TRIM37: variants seen among roughly 807,000 people sequenced by gnomAD.
The protein encoded by TRIM37 is tripartite motif containing 37.
In TRIM37, 80 loss-of-function variants were observed where a neutral mutation model predicts 129.8. The ratio of observed to expected loss-of-function variants is 0.62; its 90% CI spans 0.51 to 0.74. The LOEUF is 0.74. Among genes scored for constraint, TRIM37 ranks in the 30% least tolerant of loss-of-function variants. TRIM37 has a pLI of 0.00. For missense variants in TRIM37, 1,054 were observed against 1,176.5 expected (o/e 0.90, Z 1.52); for synonymous variants, 389 against 387.1 (o/e 1.00, Z -0.06).
chr17:59,093,866 G>T (rs988714902), intron 2 of TRIM37, among the ~76,000 whole-genome samples: 1 of 151,920 alleles, frequency 6.6e-6, no homozygotes, highest in Non-Finnish European at 1.5e-5. Flanking sequence ...AATATTTGTG[G>T]TATTTTTATC....
At position 59,041,795 on chromosome 17, in the gene TRIM37, G is replaced by T; in HGVS notation, c.1753+18C>A. Reference sequence around the variant, plus strand: ...GAGAAAACAGAATGGCTTGGAGGCAGTGGAGTGACCTCATTACCTGCGGGT... The same window carrying T: ...GAGAAAACAGAATGGCTTGGAGGCATTGGAGTGACCTCATTACCTGCGGGT... On this transcript the variant is annotated intron_variant, in intron 17 of 23. Transcript: ENST00000262294. The T allele has an allele frequency of 6.3e-7, 1 of 1,594,404 alleles. No homozygotes were observed. Among genetic ancestry groups the T allele is most frequent in the Non-Finnish European group, 8.6e-7 (1 of 1,162,092 alleles).
At chr17:59,075,861 A>T in intron 7 of TRIM37, 147 bp from the exon 8 acceptor site, 4 of 669,490 alleles carry the variant, frequency 6.0e-6, no homozygotes, top group Non-Finnish European at 1.1e-5. Flanking sequence ...ATTCTCATTC[A>T]ACTTTAAGAG....
At chr17:59,096,916 A>C (rs771001037) in intron 2 of TRIM37, among the ~76,000 whole-genome samples, 21 of 152,192 alleles carry the variant, frequency 1.4e-4, no homozygotes, top group South Asian at 2.1e-4. Flanking sequence ...AGACTATTTA[A>C]AAAATTATAC....
rs1182614651 is a variant in TRIM37, at chr17:59,049,339, C to G, written c.1369G>C (p.Asp457His). The change falls in exon 15 of 24, where the codon GAT (aspartate) becomes CAT (histidine). Residue 457 changes from aspartate to histidine, a missense_variant. This residue lies in a region of TRIM37 where 752 missense variants were observed against 870.8 expected (regional missense o/e 0.86). Coordinates refer to ENST00000262294, the MANE Select transcript of TRIM37 (RefSeq NM_015294.6). ...TQKSRDLSPP[D>H]NHLSPQNDDA... is the part of the protein sequence containing the mutation. The stretch of plus-strand genomic sequence containing the variant: ...TCATTTTGGGGGCTAAGATGGTTAT[C>G]TGGTGGTGACAAATCTCTTGACTTC... 1.9e-6 allele frequency: 3 copies of G among 1,614,114 alleles called. No homozygotes were observed. Among genetic ancestry groups the G allele is most frequent in the Non-Finnish European group, 2.5e-6 (3 of 1,180,040 alleles).
chr17:59,081,705 C>T (rs1190113723), intron 5 of TRIM37, among the ~76,000 whole-genome samples: 2 of 151,882 alleles, frequency 1.3e-5, no homozygotes, highest in African/African-American at 4.8e-5. Context: ...CTGAGGAATT[C>T]ATGACTGGCC....
At chr17:58,974,376 G>A in the TRIM37 span, among the ~76,000 whole-genome samples, 18 of 152,136 alleles carry the variant, frequency 1.2e-4, no homozygotes, top group Non-Finnish European at 2.6e-4. Context: ...TAACCCTGGA[G>A]TTTCAAAGAA....
At chr17:59,053,347 C>A (rs1162159178) in intron 13 of TRIM37, among the ~76,000 whole-genome samples, 1 of 152,120 alleles carries the variant, frequency 6.6e-6, no homozygotes, top group African/African-American at 2.4e-5. Context: ...AAAGTTTGAG[C>A]AATGTCTCAT....
chr17:58,987,167 A>G (rs1026203609), intron 24 of TRIM37, among the ~76,000 whole-genome samples: 19 of 152,244 alleles, frequency 1.2e-4, no homozygotes, highest in African/African-American at 4.1e-4. Flanking sequence ...AAAAACTGTC[A>G]AGAATGATAC....
chr17:59,047,542 A>C, intron 16 of TRIM37, 141 bp downstream of exon 16: 1 of 822,116 alleles, frequency 1.2e-6, no homozygotes. Context: ...CTAAGAGCCC[A>C]GAGATTAGAG....
downstream of TRIM37, among the ~76,000 whole-genome samples, chr17:58,997,144 T>C (rs2033091742): frequency 6.6e-6 from 1 of 152,192 alleles, no homozygotes; most frequent in Non-Finnish European, 1.5e-5. Context: ...ACAAATTCTG[T>C]AGTTTGGTAA....
At chr17:59,002,185 G>A (rs1014736015) in intron 22 of TRIM37, among the ~76,000 whole-genome samples, 13 of 152,064 alleles carry the variant, frequency 8.5e-5, no homozygotes, top group Non-Finnish European at 5.9e-5. Flanking sequence ...ATAATAGTTT[G>A]TATTCTAATT....
chr17:58,999,195 T>C lies in TRIM37; in HGVS notation c.*182A>G. 1 of 1,465,854 alleles carries C rather than the reference T, an allele frequency of 6.8e-7. No individual in the cohort carries two copies. The highest frequency in any genetic ancestry group is 1.4e-5 in the African/African-American group (1 of 70,706). The allele number at this position is 1,465,854 out of a possible 1,614,324, so 90.8% of individuals were successfully genotyped here. ...CTCTTCCCATACTGTTTTTCCCATGTACTACTGCTGTCTTAGACTAAACTG... is the reference window on the plus strand; with the variant it reads ...CTCTTCCCATACTGTTTTTCCCATGCACTACTGCTGTCTTAGACTAAACTG... On this transcript the variant is annotated 3_prime_UTR_variant, in exon 24 of 24. Coordinates refer to ENST00000262294, the MANE Select transcript of TRIM37 (RefSeq NM_015294.6).
the TRIM37 span, among the ~76,000 whole-genome samples, chr17:58,976,295 T>C: frequency 6.6e-6 from 1 of 152,072 alleles, no homozygotes. Context: ...AAACAGTGCA[T>C]GTGTGGCAAG....
chr17:59,012,153 C>T (rs548097823), intron 22 of TRIM37, among the ~76,000 whole-genome samples, 175 bp downstream of exon 22: 2 of 151,856 alleles, frequency 1.3e-5, no homozygotes, highest in East Asian at 3.9e-4. Flanking sequence ...TCAAGCATGT[C>T]GAATAGCAGA....
intron 16 of TRIM37, among the ~76,000 whole-genome samples, chr17:59,043,119 C>T (rs1435666443): frequency 6.6e-6 from 1 of 152,162 alleles, no homozygotes; most frequent in East Asian, 1.9e-4. Context: ...TTACTTCCTA[C>T]TCGGCCATAC....
downstream of TRIM37, chr17:58,980,435 GGGT>G: frequency 6.2e-7 from 1 of 1,614,084 alleles, no homozygotes; most frequent in Non-Finnish European, 8.5e-7. This position sits in a 1 kb window ranked among gnomAD's most constrained non-coding sequence, Gnocchi z 4.7. Context: ...CCTGAGCCCA[GGGT>G]CCCAAATCAA....
At chr17:59,104,535 G>T in intron 1 of TRIM37, 141 bp from the exon 2 acceptor site, 1 of 831,590 alleles carries the variant, frequency 1.2e-6, no homozygotes, top group Non-Finnish European at 2.1e-6. Flanking sequence ...GATTTGGTTG[G>T]TCAAGATACA....
intron 17 of TRIM37, among the ~76,000 whole-genome samples, chr17:59,034,455 G>A (rs981838322): frequency 6.6e-6 from 1 of 151,810 alleles, no homozygotes; most frequent in Non-Finnish European, 1.5e-5. Context: ...TGCCTCCCAG[G>A]TTCAAGCAAT....
chr17:58,980,824 T>G (rs548052838), downstream of TRIM37: 126 of 1,614,074 alleles, frequency 7.8e-5, no homozygotes, highest in South Asian at 5.9e-4. The surrounding 1 kb of genome is among the most constrained non-coding windows in gnomAD (Gnocchi z 4.7). Context: ...ATCCAAAGTT[T>G]TATTCATTTC....
Sources: allele counts gnomAD v4.1 joint callset (sites outside exome capture counted in the v4.1 genomes callset), GRCh38; gene constraint gnomAD v4.1.1; regional missense constraint gnomAD v4.1.1; non-coding constraint Gnocchi (gnomAD v3.1); transcripts MANE v1.5; gene names NCBI Gene and HGNC (gene_info 2026-07-23, HGNC 2026-07-21).